The following ZNF506 variants were observed in gnomAD, a reference collection of about 807,000 sequenced individuals.
ZNF506 encodes the protein zinc finger protein 506.
In ZNF506, 10 loss-of-function variants were observed where a neutral mutation model predicts 11.6. That is an observed-to-expected ratio of 0.86 (90% CI 0.53 to 1.46). The LOEUF (loss-of-function observed/expected upper bound fraction) is 1.46. Among genes scored for constraint, ZNF506 ranks in the 40% most tolerant of loss-of-function variants. The probability of loss-of-function intolerance (pLI) is 0.00; values close to 1 mark genes in which losing one functional copy is unlikely to be tolerated. For synonymous variants in ZNF506, 156 were observed against 173.3 expected (o/e 0.90, Z 0.78); for missense variants, 425 against 521.2 (o/e 0.82, Z 1.80).
In ZNF506 at chr19:19,821,677, G is replaced by A. The variant is rs949623814; in HGVS notation, c.-74C>T. ...ACCTGCAGGTCACAGGGCCACAGAGGCTGGGCCTCTAGGAGCTGACGGCAC... is the reference window on the plus strand; with the variant it reads ...ACCTGCAGGTCACAGGGCCACAGAGACTGGGCCTCTAGGAGCTGACGGCAC... On this transcript the variant is annotated 5_prime_UTR_variant, in exon 1 of 4. Transcript: ENST00000540806. 1.3e-6 allele frequency: 2 copies of A among 1,585,870 alleles called. No homozygotes were observed. Among genetic ancestry groups the A allele is most frequent in the African/African-American group, 2.7e-5 (2 of 74,412 alleles).
intron 3 of ZNF506, 31 bp downstream of exon 3, chr19:19,806,000 G>A: frequency 6.4e-7 from 1 of 1,554,736 alleles, no homozygotes; most frequent in South Asian, 1.2e-5. Flanking sequence ...TATCTGTGTT[G>A]TCTGTCCTAT....
At chr19:19,799,235 C>G (rs904595737) in intron 3 of ZNF506, 3 of 371,716 alleles carry the variant, frequency 8.1e-6, no homozygotes, top group African/African-American at 6.2e-5. Context: ...CAAATACTAA[C>G]AAAGTTGAAT....
chr19:19,804,284 A>C (rs1426559904), intron 3 of ZNF506, among the ~76,000 whole-genome samples: 1 of 152,260 alleles, frequency 6.6e-6, no homozygotes, highest in East Asian at 1.9e-4. Flanking sequence ...ATATGAACAG[A>C]CATTTCTCAA....
chr19:19,807,328 C>T (rs532915651), intron 1 of ZNF506, among the ~76,000 whole-genome samples: 3 of 152,106 alleles, frequency 2.0e-5, no homozygotes, highest in African/African-American at 4.8e-5. Context: ...GCCATGAACA[C>T]GAACATGTAC....
chr19:19,806,828 A>G, intron 2 of ZNF506, 114 bp downstream of exon 2: 3 of 1,261,060 alleles, frequency 2.4e-6, no homozygotes, highest in Non-Finnish European at 3.2e-6. Flanking sequence ...TTCTGGAAAA[A>G]GGAGATCTGA....
chr19:19,804,932 ATGGGGT>A (rs1262202868), intron 3 of ZNF506, among the ~76,000 whole-genome samples: 7 of 144,886 alleles, frequency 4.8e-5, no homozygotes, highest in African/African-American at 1.5e-4. Context: ...GGGGCCTGTC[ATGGGGT>A]GGGGGGATGG....
rs758046995 is a variant in ZNF506, at chr19:19,795,563, A to C, written c.324T>G (p.His108Gln). 1 of 1,596,024 alleles carries C rather than the reference A, an allele frequency of 6.3e-7. No homozygotes were observed. The highest frequency in any genetic ancestry group is 1.8e-5 in the Admixed American group (1 of 55,608). Reference sequence around the variant, plus strand: ...AGCCTTTTTTTAACTGTAAATTGTCATGTCTACATTTTTCATATCTTCTTA... The same window carrying C: ...AGCCTTTTTTTAACTGTAAATTGTCCTGTCTACATTTTTCATATCTTCTTA... The part of the protein sequence containing the change: ...VILRRYEKCR[H>Q]DNLQLKKGCE... Residue 108 changes from histidine (H) to glutamine (Q), a missense_variant, in exon 4 of 4, where the codon CAT becomes CAG. Transcript: ENST00000540806.
chr19:19,805,682 T>G (rs1165256359), intron 3 of ZNF506, among the ~76,000 whole-genome samples: 1 of 152,116 alleles, frequency 6.6e-6, no homozygotes, highest in Non-Finnish European at 1.5e-5. Flanking sequence ...GAGTTTTAGT[T>G]TCTCAAAATC....
At chr19:19,820,371 A>G (rs1195051850) in intron 1 of ZNF506, 1 of 152,170 alleles carries the variant, frequency 6.6e-6, no homozygotes, top group Non-Finnish European at 1.5e-5. Flanking sequence ...CATAACCAGG[A>G]AATTTCCATC....
chr19:19,804,342 T>C (rs1222990575), intron 3 of ZNF506, among the ~76,000 whole-genome samples: 3 of 152,232 alleles, frequency 2.0e-5, no homozygotes, highest in Non-Finnish European at 4.4e-5. Flanking sequence ...ATGTTCATCA[T>C]CACTGGTCAT....
chr19:19,804,225 A>G (rs1225664147), intron 3 of ZNF506, among the ~76,000 whole-genome samples: 4 of 152,222 alleles, frequency 2.6e-5, no homozygotes, highest in Non-Finnish European at 5.9e-5. Context: ...CAAAGAACTT[A>G]AACAAATTTA....
intron 1 of ZNF506, among the ~76,000 whole-genome samples, chr19:19,814,410 AAATAATAAT>A (rs59922058): frequency 6.9e-6 from 1 of 144,126 alleles, no homozygotes; most frequent in African/African-American, 2.6e-5. Context: ...CTCCATCTCA[AAATAATAAT>A]AATAATAATA....
intron 3 of ZNF506, 87 bp downstream of exon 3, chr19:19,805,944 C>T: frequency 8.6e-7 from 1 of 1,169,110 alleles, no homozygotes; most frequent in Non-Finnish European, 1.2e-6. Context: ...CACAGCTTCC[C>T]AAATCACATT....
At chr19:19,807,478 T>C (rs931690328) in intron 1 of ZNF506, among the ~76,000 whole-genome samples, 12 of 152,112 alleles carry the variant, frequency 7.9e-5, no homozygotes, top group African/African-American at 1.9e-4. Context: ...GGTTTTTTTT[T>C]CCAGAAGATC....
rs935985273 is a variant in ZNF506, at chr19:19,806,134, A to G, written c.131-8T>C. On this transcript the variant is annotated splice_region_variant and splice_polypyrimidine_tract_variant and intron_variant, in intron 2 of 3. Transcript: ENST00000540806. The stretch of plus-strand genomic sequence containing the variant: ...GTTTAGAGACAACAATACCTGTTTT[A>G]TTAAGAATAAATAATATGAATCTTG... 1.3e-6 allele frequency: 2 copies of G among 1,585,386 alleles called. No homozygotes were observed. The highest frequency in any genetic ancestry group is 1.7e-6 in the Non-Finnish European group (2 of 1,163,294).
chr19:19,799,383 ACTC>A, intron 3 of ZNF506: 1 of 607,940 alleles, frequency 1.6e-6, no homozygotes, highest in Admixed American at 3.0e-5. Flanking sequence ...TATAGAGAAC[ACTC>A]CTCAACATCA....
chr19:19,801,879 G>T (rs1298930308), intron 3 of ZNF506, among the ~76,000 whole-genome samples: 1 of 149,624 alleles, frequency 6.7e-6, no homozygotes, highest in Admixed American at 6.7e-5. Flanking sequence ...ATAAAATCTG[G>T]TATGCAACAT....
At chr19:19,796,401 T>TTTTA (rs975581675) in intron 3 of ZNF506, 20 of 151,958 alleles carry the variant, frequency 1.3e-4, no homozygotes, top group African/African-American at 3.4e-4. Flanking sequence ...TTATTTTTTA[T>TTTTA]TTTATTTATT....
chr19:19,795,797 T>G (rs1451662233), intron 3 of ZNF506, 137 bp from the exon 4 acceptor site: 2 of 864,250 alleles, frequency 2.3e-6, no homozygotes, highest in Non-Finnish European at 3.3e-6. Context: ...AATTTCTTCC[T>G]GGATATATAA....
Sources: allele counts gnomAD v4.1 joint callset (sites outside exome capture counted in the v4.1 genomes callset), GRCh38; gene constraint gnomAD v4.1.1; transcripts MANE v1.5; gene names NCBI Gene and HGNC (gene_info 2026-07-23, HGNC 2026-07-21).